DNAJC18: variants seen among roughly 807,000 people sequenced by gnomAD.
The protein encoded by DNAJC18 is dnaJ homolog subfamily C member 18.
Under a neutral mutation model 48.6 loss-of-function variants are expected in DNAJC18, and 40 were observed. That is an observed-to-expected ratio of 0.82 (90% CI 0.64 to 1.07). DNAJC18 has a LOEUF of 1.07. Among genes scored for constraint, DNAJC18 ranks in the 50% least tolerant of loss-of-function variants. DNAJC18 has a pLI of 0.00. For missense variants in DNAJC18, 340 were observed against 427.7 expected, an observed-to-expected ratio of 0.79 and a Z score of 1.81; for synonymous variants, 135 against 152.2, an observed-to-expected ratio of 0.89 and a Z score of 0.83.
At chr5:139,435,541 T>A (rs1750622926) in intron 2 of DNAJC18, among the ~76,000 whole-genome samples, 1 of 152,034 alleles carries the variant, frequency 6.6e-6, no homozygotes, top group Non-Finnish European at 1.5e-5. Context: ...CATTGCTGTA[T>A]TTGTTTTACT....
At chr5:139,426,644 G>A (rs1319258483) in intron 3 of DNAJC18, among the ~76,000 whole-genome samples, 1 of 152,188 alleles carries the variant, frequency 6.6e-6, no homozygotes, top group Non-Finnish European at 1.5e-5. Flanking sequence ...TAGAAGTTAG[G>A]AAGCCCCCCT....
chr5:139,435,991 T>C (rs374973106), intron 2 of DNAJC18, among the ~76,000 whole-genome samples: 1 of 151,432 alleles, frequency 6.6e-6, no homozygotes, highest in East Asian at 2.0e-4. Flanking sequence ...CCCAAAGTAA[T>C]GGGATTACAG....
intron 5 of DNAJC18, among the ~76,000 whole-genome samples, chr5:139,423,097 G>A (rs1034612705): frequency 6.6e-6 from 1 of 152,182 alleles, no homozygotes; most frequent in Non-Finnish European, 1.5e-5. Flanking sequence ...CTCCCAGAGT[G>A]CTGGGATTAC....
At chr5:139,431,403 C>T (rs1265451210) in intron 2 of DNAJC18, among the ~76,000 whole-genome samples, 1 of 152,122 alleles carries the variant, frequency 6.6e-6, no homozygotes, top group Non-Finnish European at 1.5e-5. Flanking sequence ...AATCTACTTT[C>T]CCCTCTATAG....
chr5:139,438,315 CAAA>C (rs35642628), intron 1 of DNAJC18, among the ~76,000 whole-genome samples: 1 of 131,040 alleles, frequency 7.6e-6, no homozygotes, highest in African/African-American at 3.1e-5. Flanking sequence ...GACTCCGTCT[CAAA>C]AAAAAAAAAA....
chr5:139,425,309 A>G (rs1581417735), intron 4 of DNAJC18, among the ~76,000 whole-genome samples, 195 bp from the exon 5 acceptor site: 1 of 151,966 alleles, frequency 6.6e-6, no homozygotes, highest in Admixed American at 6.6e-5. Flanking sequence ...GATTACAGGC[A>G]CCCGCCACCA....
At position 139,425,073 on chromosome 5, in the gene DNAJC18, AG is replaced by A; in HGVS notation, c.600del (p.Tyr201IlefsTer37). ...HMFSNVTDDT[Y>X]YYRRRHRHER... ...TCATGTCGGTGCCGTCGACGGTAAT[AG>A]TAAGTGTCATCTGTCACATTTGAAA... On this transcript the variant is annotated frameshift_variant, in exon 5 of 8. Coordinates refer to ENST00000302060, the MANE Select transcript of DNAJC18 (RefSeq NM_152686.4). LOFTEE classifies it high-confidence loss of function. The A allele has an allele frequency of 6.2e-7, 1 of 1,613,186 alleles. No individual in the cohort carries two copies. The highest frequency in any genetic ancestry group is 8.5e-7 in the Non-Finnish European group (1 of 1,179,280).
chr5:139,428,754 G>A (rs1759282633), intron 2 of DNAJC18, 71 bp from the exon 3 acceptor site: 7 of 1,503,526 alleles, frequency 4.7e-6, no homozygotes, highest in South Asian at 4.0e-5. Context: ...ATAATACATC[G>A]ATCCTACCTC....
intron 6 of DNAJC18, among the ~76,000 whole-genome samples, chr5:139,420,637 CAGAT>C (rs764152044): frequency 2.7e-5 from 4 of 150,546 alleles, no homozygotes; most frequent in Non-Finnish European, 4.4e-5. Flanking sequence ...ACAAAAAAAA[CAGAT>C]AGCTCACACC....
intron 2 of DNAJC18, among the ~76,000 whole-genome samples, chr5:139,435,693 T>C (rs1277877322): frequency 7.1e-6 from 1 of 141,516 alleles, no homozygotes; most frequent in Non-Finnish European, 1.6e-5. Flanking sequence ...CCTGGACTTT[T>C]CTTCATTGGA....
In DNAJC18 at chr5:139,418,433, T is replaced by C. The variant is rs1015548339; in HGVS notation, c.952+1620A>G. On this transcript the variant is annotated intron_variant, in intron 7 of 7. Coordinates refer to ENST00000302060, the MANE Select transcript of DNAJC18 (RefSeq NM_152686.4). ...CTAGGACTATAGGCATGAGCTACCA[T>C]GCCTGGCCTATATACTGCCTTTTAA... Among the ~76,000 whole-genome samples the C allele has an allele frequency of 7.2e-5, 11 of 152,362 alleles. No homozygotes were observed. The Middle Eastern group carries it at 0.01, about 141-fold the overall frequency.
At chr5:139,417,125 G>T (rs1456382978) in intron 7 of DNAJC18, among the ~76,000 whole-genome samples, 3 of 151,070 alleles carry the variant, frequency 2.0e-5, no homozygotes, top group Admixed American at 6.6e-5. Flanking sequence ...GGGAGGTGGA[G>T]GTTGCAGTGC....
Position 139,412,683 on chromosome 5 carries a change from C to T in DNAJC18, c.*1465G>A. On this transcript the variant is annotated 3_prime_UTR_variant, in exon 8 of 8. Transcript: ENST00000302060. Reference sequence around the variant, plus strand: ...CAGGCAGCTCAGCTCCACAGGAAGGCCCAGAACCACACAGCCCAGGCAGTG... The same window carrying T: ...CAGGCAGCTCAGCTCCACAGGAAGGTCCAGAACCACACAGCCCAGGCAGTG... 1 of 398,768 alleles carries T rather than the reference C, an allele frequency of 2.5e-6. No homozygotes were observed. Among genetic ancestry groups the T allele is most frequent in the Admixed American group, 4.4e-5 (1 of 22,734 alleles). 24.7% of individuals were successfully genotyped at this position (398,768 alleles called of 1,614,324 possible). A position where few individuals can be genotyped will look rare whatever the true frequency, so the allele number is the denominator to read the frequency against.
chr5:139,414,082 A>T lies in DNAJC18; in HGVS notation c.*66T>A. ...TCATTACCTAGTTTTGTATTATAAA[A>T]TGGAATCAGGAACATAAATAGGAAC... is the stretch of plus-strand genomic sequence containing the variant. On this transcript the variant is annotated 3_prime_UTR_variant, in exon 8 of 8. Transcript: ENST00000302060. 1 of 1,570,292 alleles carries T rather than the reference A, an allele frequency of 6.4e-7. No individual in the cohort carries two copies. The highest frequency in any genetic ancestry group is 8.6e-7 in the Non-Finnish European group (1 of 1,162,340).
At chr5:139,428,854 C>T (rs973380055) in intron 2 of DNAJC18, among the ~76,000 whole-genome samples, 171 bp from the exon 3 acceptor site, 1 of 152,008 alleles carries the variant, frequency 6.6e-6, no homozygotes, top group African/African-American at 2.4e-5. Context: ...CTTCTCCCAC[C>T]CAGAACTTAA....
rs1691775628 is a variant in DNAJC18, at chr5:139,411,965, T to C, written c.*2183A>G. 1 of 152,154 alleles carries C rather than the reference T, an allele frequency of 6.6e-6. No homozygotes were observed. Among genetic ancestry groups the C allele is most frequent in the African/African-American group, 2.4e-5 (1 of 41,432 alleles). 9.4% of individuals were successfully genotyped at this position (152,154 alleles called of 1,614,324 possible). The stretch of plus-strand genomic sequence containing the variant: ...GCCTGTTTGGCTCATGGACATATTT[T>C]ACAATGTAACCTCCCTCAGTCACTC... On this transcript the variant is annotated 3_prime_UTR_variant, in exon 8 of 8. Coordinates refer to ENST00000302060, the MANE Select transcript of DNAJC18 (RefSeq NM_152686.4).
chr5:139,421,566 G>T (rs550124928), intron 6 of DNAJC18, among the ~76,000 whole-genome samples: 1 of 152,318 alleles, frequency 6.6e-6, no homozygotes, highest in Admixed American at 6.5e-5. Context: ...AGCACTTTGG[G>T]AGGCCAAGGT....
intron 3 of DNAJC18, among the ~76,000 whole-genome samples, chr5:139,427,093 A>G (rs1167221752): frequency 6.6e-6 from 1 of 152,174 alleles, no homozygotes; most frequent in African/African-American, 2.4e-5. Context: ...TGATATTTTA[A>G]CTTGTAGTCC....
chr5:139,411,180 T>C lies in DNAJC18; in HGVS notation c.*2968A>G, dbSNP rs1051374466. 3 of 152,222 alleles carry C rather than the reference T, an allele frequency of 2.0e-5. No homozygotes were observed. Among genetic ancestry groups the C allele is most frequent in the African/African-American group, 7.2e-5 (3 of 41,458 alleles). 9.4% of individuals were successfully genotyped at this position (152,222 alleles called of 1,614,324 possible). ...GGAGCTGATCAAGGAAGCTTACACA[T>C]TTCCCGGCCTGAGCAGATGAACTCT... On this transcript the variant is annotated 3_prime_UTR_variant, in exon 8 of 8. Transcript: ENST00000302060.
Sources: allele counts gnomAD v4.1 joint callset (sites outside exome capture counted in the v4.1 genomes callset), GRCh38; gene constraint gnomAD v4.1.1; transcripts MANE v1.5; gene names NCBI Gene and HGNC (gene_info 2026-07-23, HGNC 2026-07-21).